Variants in ALDH1L1 observed in about 807,000 individuals in gnomAD.
ALDH1L1 encodes cytosolic 10-formyltetrahydrofolate dehydrogenase.
A neutral mutation model predicts 101.1 loss-of-function variants in ALDH1L1; 68 were observed. That is an observed-to-expected ratio of 0.67 (90% CI 0.55 to 0.82). The LOEUF is 0.82. ALDH1L1 is among the 40% of genes least tolerant of loss of function. The probability of loss-of-function intolerance (pLI) is 0.00; values close to 1 mark genes in which losing one functional copy is unlikely to be tolerated. For synonymous variants in ALDH1L1, 486 were observed against 470.8 expected (o/e 1.03, Z -0.42); for missense variants, 1,087 against 1,172.7 (o/e 0.93, Z 1.07).
At chr3:126,153,308 G>A (rs1309295552) in intron 7 of ALDH1L1, 136 bp downstream of exon 7, 3 of 1,361,820 alleles carry the variant, frequency 2.2e-6, no homozygotes, top group Non-Finnish European at 3.1e-6. Flanking sequence ...GGACAAATCA[G>A]GGTCAGTGTT....
In ALDH1L1 at chr3:126,158,891, G is replaced by C. The variant is rs60469434; in HGVS notation, c.128-252C>G. On this transcript the variant is annotated intron_variant, in intron 2 of 22. Coordinates refer to ENST00000393434, the MANE Select transcript of ALDH1L1 (RefSeq NM_012190.4). ...GAGTGCCTCCCTCTTCCAGAACCCA[G>C]ATGGCTGACCTCTGCCCTCATTCCT... 6.3e-3 allele frequency among the ~76,000 whole-genome samples: 960 copies of C among 152,286 alleles called. 14 individuals carry two copies. Among genetic ancestry groups the C allele is most frequent in the African/African-American group, 0.022 (923 of 41,556 alleles).
At chr3:126,183,208 T>C (rs2081490836), upstream of ALDH1L1, among the ~76,000 whole-genome samples, 1 of 152,172 alleles carries the variant, frequency 6.6e-6, no homozygotes, top group Admixed American at 6.5e-5. Context: ...TTGACAGCAG[T>C]CTCAGCAGAA....
chr3:126,160,622 C>T (rs761750571), intron 2 of ALDH1L1, among the ~76,000 whole-genome samples: 24 of 152,208 alleles, frequency 1.6e-4, no homozygotes, highest in Non-Finnish European at 2.5e-4. Context: ...TTCTCCAGGA[C>T]CCTAATGCCA....
intron 1 of ALDH1L1, among the ~76,000 whole-genome samples, chr3:126,189,149 T>A (rs9870993): frequency 1.3e-5 from 2 of 152,010 alleles, no homozygotes; most frequent in African/African-American, 4.8e-5. Flanking sequence ...TTGCATTAGG[T>A]ATGTTCCTAA....
intron 3 of ALDH1L1, 97 bp from the exon 4 acceptor site, chr3:126,157,605 C>A: frequency 7.2e-7 from 1 of 1,392,284 alleles, no homozygotes; most frequent in Non-Finnish European, 9.8e-7. Flanking sequence ...CCAGGAGGCC[C>A]TCTCTTCCCA....
chr3:126,155,459 G>A lies in ALDH1L1; in HGVS notation c.573C>T (p.Leu191=), dbSNP rs972575076. 10 of 1,613,322 alleles carry A rather than the reference G, an allele frequency of 6.2e-6. No homozygotes were observed. Among genetic ancestry groups the A allele is most frequent in the Non-Finnish European group, 8.5e-6 (10 of 1,179,750 alleles). The part of the protein sequence containing the change: ...RLIAEGKAPR[L]PQPEEGATYE... Reference sequence around the variant, plus strand: ...AGGTGGCTCCTTCCTCAGGCTGAGGGAGTCTGGGGGCTTTGCCCTCAGCGA... The same window carrying A: ...AGGTGGCTCCTTCCTCAGGCTGAGGAAGTCTGGGGGCTTTGCCCTCAGCGA... The change falls in exon 5 of 23, where the codon CTC becomes CTT. Residue 191 remains leucine, a synonymous_variant. Transcript: ENST00000393434.
chr3:126,144,605 G>A (rs913213065), intron 9 of ALDH1L1, among the ~76,000 whole-genome samples: 6 of 152,210 alleles, frequency 3.9e-5, no homozygotes, highest in East Asian at 1.9e-4. Context: ...ATGGGGAAGC[G>A]ATAGTCCCTT....
chr3:126,141,365 A>G (rs559871453), intron 9 of ALDH1L1, among the ~76,000 whole-genome samples: 1 of 152,210 alleles, frequency 6.6e-6, no homozygotes, highest in Non-Finnish European at 1.5e-5. Flanking sequence ...AACCAATCAG[A>G]TATGTACAAA....
At chr3:126,159,563 G>T (rs1242425133) in intron 2 of ALDH1L1, 1 of 456,092 alleles carries the variant, frequency 2.2e-6, no homozygotes, top group South Asian at 1.6e-5. Context: ...CTCTGTCCTG[G>T]TGTCTGGTAG....
intron 9 of ALDH1L1, among the ~76,000 whole-genome samples, chr3:126,146,004 A>G (rs1047676700): frequency 6.6e-6 from 1 of 152,112 alleles, no homozygotes; most frequent in African/African-American, 2.4e-5. Context: ...CAAAACAATT[A>G]TTACAAACTG....
chr3:126,167,235 A>C (rs188611434), intron 1 of ALDH1L1, among the ~76,000 whole-genome samples: 1 of 152,334 alleles, frequency 6.6e-6, no homozygotes, highest in East Asian at 1.9e-4. Context: ...AGTTCTAAAA[A>C]AATGACAAAA....
Position 126,150,443 on chromosome 3 carries a change from A to T in ALDH1L1, c.947T>A (p.Leu316Gln). The T allele has an allele frequency of 6.4e-7, 1 of 1,551,628 alleles. No homozygotes were observed. Among genetic ancestry groups the T allele is most frequent in the Non-Finnish European group, 8.7e-7 (1 of 1,146,950 alleles). ...CGCAGTAACCAGCTCTGCCTCTGTC[A>T]GCTCAAGGACACTGCTGGCTGCCCC... ...FKGAASSVLE[L>Q]TEAELVTAEA... The change falls in exon 8 of 23, where the codon CTG (leucine) becomes CAG (glutamine). Residue 316 changes from leucine (L) to glutamine (Q), a missense_variant. Leu to Gln is a moderately radical substitution (Grantham distance 113). Around this residue, in one of 2 missense-constraint regions of ALDH1L1, gnomAD observed 645 missense variants for 637.0 expected, o/e 1.01. Transcript: ENST00000393434.
At chr3:126,161,625 G>T (rs894179991) in intron 1 of ALDH1L1, among the ~76,000 whole-genome samples, 1 of 152,226 alleles carries the variant, frequency 6.6e-6, no homozygotes, top group African/African-American at 2.4e-5. Flanking sequence ...ATTCTCCAAA[G>T]ATTGGTCATT....
At chr3:126,142,282 C>A (rs557995368) in intron 9 of ALDH1L1, among the ~76,000 whole-genome samples, 5 of 152,146 alleles carry the variant, frequency 3.3e-5, no homozygotes, top group Non-Finnish European at 7.4e-5. Context: ...GGGAAAGTAA[C>A]ACCAATTTTT....
chr3:126,114,646 T>C lies in ALDH1L1; in HGVS notation c.1993A>G (p.Ser665Gly). 3.3e-6 allele frequency: 5 copies of C among 1,524,092 alleles called. No individual in the cohort carries two copies. Among genetic ancestry groups the C allele is most frequent in the Non-Finnish European group, 4.4e-6 (5 of 1,135,848 alleles). 94.4% of individuals were successfully genotyped at this position (1,524,092 alleles called of 1,614,324 possible). A position where few individuals can be genotyped will look rare whatever the true frequency, so the allele number is the denominator to read the frequency against. The change falls in exon 18 of 23, where the codon AGT (serine) becomes GGT (glycine). Residue 665 changes from serine (S) to glycine (G), a missense_variant. This residue lies in a region of ALDH1L1 where 442 missense variants were observed against 535.7 expected (regional missense o/e 0.83). Transcript: ENST00000393434. ...TCCAGGGACACCTTCTTCACGTTAC[T>C]TATGGCACAGCTGCAAGGAACAGAG... ...GKHIMKSCAI[S>G]NVKKVSLELG...
rs1366545793 is a variant in ALDH1L1, at chr3:126,158,641, T to C, written c.128-2A>G. ...CTCCATCCTTCTCAGCTTCCAGACCTGTGGGACGGTGGATAAGAAACTGGC... is the reference window on the plus strand; with the variant it reads ...CTCCATCCTTCTCAGCTTCCAGACCCGTGGGACGGTGGATAAGAAACTGGC... On this transcript the variant is annotated splice_acceptor_variant, in intron 2 of 22. Transcript: ENST00000393434. LOFTEE classifies it high-confidence loss of function. 8.1e-6 allele frequency: 13 copies of C among 1,607,850 alleles called. No individual in the cohort carries two copies. The highest frequency in any genetic ancestry group is 1.1e-5 in the Non-Finnish European group (13 of 1,174,726).
intron 1 of ALDH1L1, among the ~76,000 whole-genome samples, chr3:126,164,833 A>C (rs1248706080): frequency 6.6e-6 from 1 of 152,210 alleles, no homozygotes; most frequent in Non-Finnish European, 1.5e-5. Flanking sequence ...ACTAATTTAC[A>C]TTCCCACCAA....
chr3:126,147,345 C>T (rs1459762502), intron 8 of ALDH1L1, among the ~76,000 whole-genome samples: 2 of 152,184 alleles, frequency 1.3e-5, no homozygotes, highest in Non-Finnish European at 2.9e-5. Context: ...ACACCGATGC[C>T]CGGGTGTTGT....
intron 13 of ALDH1L1, 125 bp from the exon 14 acceptor site, chr3:126,130,418 G>T: frequency 1.3e-6 from 1 of 771,910 alleles, no homozygotes; most frequent in Non-Finnish European, 1.9e-6. Context: ...GTGACCTGAG[G>T]CTTGAGAGAC....
Sources: allele counts gnomAD v4.1 joint callset (sites outside exome capture counted in the v4.1 genomes callset), GRCh38; gene constraint gnomAD v4.1.1; regional missense constraint gnomAD v4.1.1; transcripts MANE v1.5; gene names NCBI Gene and HGNC (gene_info 2026-07-23, HGNC 2026-07-21).